Variants in ARSB observed in about 807,000 individuals in gnomAD.
ARSB encodes N-acetylgalactosamine-4-sulfatase.
Under a neutral mutation model 50.9 loss-of-function variants are expected in ARSB, and 41 were observed. That is an observed-to-expected ratio of 0.81 (90% CI 0.63 to 1.04). The LOEUF (loss-of-function observed/expected upper bound fraction) is 1.04. Ranked by LOEUF, ARSB falls within the 50% of genes least tolerant of loss-of-function variation. The pLI, the probability that ARSB is intolerant of heterozygous loss-of-function variation, is 0.00. For missense variants in ARSB, 672 were observed against 693.3 expected (o/e 0.97, Z 0.35); for synonymous variants, 269 against 284.8 (o/e 0.94, Z 0.56).
chr5:78,815,717 T>C, intron 6 of ARSB: 1 of 1,111,422 alleles, frequency 9.0e-7, no homozygotes, highest in Admixed American at 4.5e-5. Flanking sequence ...AAGACAAGTA[T>C]AAAGGGCTTG....
intron 5 of ARSB, among the ~76,000 whole-genome samples, chr5:78,845,635 T>A (rs1745412652): frequency 6.6e-6 from 1 of 152,184 alleles, no homozygotes; most frequent in African/African-American, 2.4e-5. Flanking sequence ...ATTAGTGATG[T>A]TGAGCATTTT....
chr5:78,917,488 T>A (rs907909525), intron 4 of ARSB, among the ~76,000 whole-genome samples: 6 of 152,188 alleles, frequency 3.9e-5, no homozygotes, highest in Admixed American at 3.9e-4. Flanking sequence ...ACTGGTTTTT[T>A]AAAATGCAAT....
chr5:78,909,740 T>C (rs1454604461), intron 4 of ARSB, among the ~76,000 whole-genome samples: 2 of 152,138 alleles, frequency 1.3e-5, no homozygotes, highest in Non-Finnish European at 2.9e-5. Flanking sequence ...AAATATGGCC[T>C]TGTGGGATGG....
At chr5:78,966,795 G>A (rs549331378) in intron 2 of ARSB, among the ~76,000 whole-genome samples, 1 of 152,138 alleles carries the variant, frequency 6.6e-6, no homozygotes, top group East Asian at 1.9e-4. Flanking sequence ...TTTAGCAAAG[G>A]CCTGATTGAA....
At chr5:78,855,780 G>A (rs751340192) in intron 5 of ARSB, among the ~76,000 whole-genome samples, 1 of 152,064 alleles carries the variant, frequency 6.6e-6, no homozygotes, top group Non-Finnish European at 1.5e-5. Context: ...TGGGGCTGCT[G>A]GGATCCTTTT....
intron 5 of ARSB, among the ~76,000 whole-genome samples, chr5:78,866,373 A>G (rs1581063394): frequency 6.6e-6 from 1 of 152,100 alleles, no homozygotes; most frequent in Admixed American, 6.5e-5. Context: ...CATAGGAAAG[A>G]CCTGCCCCAT....
chr5:78,949,053 G>A (rs1446695966), intron 4 of ARSB, among the ~76,000 whole-genome samples: 3 of 152,192 alleles, frequency 2.0e-5, no homozygotes, highest in African/African-American at 7.2e-5. Flanking sequence ...ATGGCACAAT[G>A]TTGTGCAGCC....
chr5:78,830,352 A>G (rs994872764), intron 6 of ARSB, among the ~76,000 whole-genome samples: 1 of 152,186 alleles, frequency 6.6e-6, no homozygotes, highest in African/African-American at 2.4e-5. Flanking sequence ...CTAACTCCAG[A>G]TGCAGGGCCA....
At chr5:78,826,581 G>A (rs1034509773) in intron 6 of ARSB, among the ~76,000 whole-genome samples, 1 of 152,172 alleles carries the variant, frequency 6.6e-6, no homozygotes, top group Non-Finnish European at 1.5e-5. Flanking sequence ...AGAACACAGT[G>A]CACTGTCAAC....
At chr5:78,897,566 T>G (rs1748621165) in intron 4 of ARSB, among the ~76,000 whole-genome samples, 1 of 152,152 alleles carries the variant, frequency 6.6e-6, no homozygotes, top group Non-Finnish European at 1.5e-5. Context: ...TCACTGTAAA[T>G]GATATATATA....
rs1171082360 is a variant in ARSB at position 78,871,265 on chromosome 5, C to T, written c.1142+14319G>A. On this transcript the variant is annotated intron_variant, in intron 5 of 7. Transcript: ENST00000264914. ...CCAAGGTAATTTACAGGTTCAATGC[C>T]AACCCCATCAAGCTACCAATGACTT... Among the ~76,000 whole-genome samples the T allele has an allele frequency of 5.3e-5, 8 of 152,188 alleles. No homozygotes were observed. In the South Asian group the frequency reaches 1.5e-3, roughly 28 times the overall value.
intron 5 of ARSB, among the ~76,000 whole-genome samples, chr5:78,855,633 G>A (rs1465988430): frequency 6.6e-6 from 1 of 152,212 alleles, no homozygotes; most frequent in Non-Finnish European, 1.5e-5. Context: ...GCCACAGGGT[G>A]TGGATCATAG....
intron 7 of ARSB, among the ~76,000 whole-genome samples, chr5:78,781,188 CTCTT>C (rs1328449862): frequency 6.6e-6 from 1 of 152,138 alleles, no homozygotes; most frequent in Non-Finnish European, 1.5e-5. Context: ...CTCAGAGACT[CTCTT>C]TGTTAGCTAA....
At chr5:78,852,201 A>T (rs143712521) in intron 5 of ARSB, among the ~76,000 whole-genome samples, 1 of 152,054 alleles carries the variant, frequency 6.6e-6, no homozygotes, top group Admixed American at 6.6e-5. Context: ...GCTGGTACCG[A>T]TTGTTCCTTT....
At chr5:78,784,880 C>T (rs1285811144) in intron 6 of ARSB, among the ~76,000 whole-genome samples, 1 of 150,566 alleles carries the variant, frequency 6.6e-6, no homozygotes, top group Non-Finnish European at 1.5e-5. Context: ...CTCACTGCAA[C>T]CTCTGCCTCT....
At chr5:78,816,279 C>T (rs1184489915) in intron 6 of ARSB, among the ~76,000 whole-genome samples, 1 of 152,120 alleles carries the variant, frequency 6.6e-6, no homozygotes, top group East Asian at 1.9e-4. Context: ...CCTAACAGGG[C>T]CTAGAAAAGA....
intron 6 of ARSB, among the ~76,000 whole-genome samples, chr5:78,826,919 G>T (rs921038914): frequency 6.6e-6 from 1 of 152,142 alleles, no homozygotes; most frequent in Admixed American, 6.5e-5. Flanking sequence ...CATGGGTCAG[G>T]AGCATTAGGA....
intron 4 of ARSB, among the ~76,000 whole-genome samples, chr5:78,924,661 G>C (rs1387323978): frequency 1.3e-5 from 2 of 152,184 alleles, no homozygotes; most frequent in Non-Finnish European, 2.9e-5. Flanking sequence ...AAATCAAAAA[G>C]TGATATAAAG....
chr5:78,973,120 G>A (rs566142676), intron 1 of ARSB, among the ~76,000 whole-genome samples: 1 of 152,154 alleles, frequency 6.6e-6, no homozygotes, highest in Admixed American at 6.5e-5. Context: ...GCTGCAAGGG[G>A]CAGGAAGGCA....
Sources: gnomAD v4.1 joint callset for allele counts (sites outside exome capture counted in the v4.1 genomes callset) on GRCh38, gnomAD v4.1.1 for gene constraint, MANE v1.5 for transcripts, NCBI Gene and HGNC (gene_info 2026-07-23, HGNC 2026-07-21) for gene names.